Variants in HPSE2 observed in about 807,000 individuals in gnomAD.
HPSE2 encodes heparanase 2 (inactive).
Under a neutral mutation model 60.5 loss-of-function variants are expected in HPSE2, and 38 were observed. That is an observed-to-expected ratio of 0.63 (90% CI 0.48 to 0.82). The LOEUF is 0.82. HPSE2 is among the 40% of genes least tolerant of loss of function. HPSE2 has a pLI of 0.00. For missense variants in HPSE2, 713 were observed against 740.4 expected (o/e 0.96, Z 0.43); for synonymous variants, 295 against 293.2 (o/e 1.01, Z -0.06).
chr10:98,513,248 G>C (rs1048418330), intron 9 of HPSE2, among the ~76,000 whole-genome samples: 1 of 152,050 alleles, frequency 6.6e-6, no homozygotes, highest in Non-Finnish European at 1.5e-5. Flanking sequence ...CTGGACTTTA[G>C]GTAATAAACT....
chr10:98,721,846 A>G lies in HPSE2; in HGVS notation c.785-18T>C. The stretch of plus-strand genomic sequence containing the variant: ...ATTTGGCTCTAGATTAAAAGCAGAC[A>G]TGTAAGTCAGAATGAGAAGTGTAAG... On this transcript the variant is annotated intron_variant, in intron 4 of 11. Transcript: ENST00000370552. 1 of 1,611,868 alleles carries G rather than the reference A, an allele frequency of 6.2e-7. No individual in the cohort carries two copies. The highest frequency in any genetic ancestry group is 8.5e-7 in the Non-Finnish European group (1 of 1,178,378).
chr10:99,130,435 C>G (rs1303636768), intron 3 of HPSE2, among the ~76,000 whole-genome samples: 1 of 152,112 alleles, frequency 6.6e-6, no homozygotes, highest in Non-Finnish European at 1.5e-5. Flanking sequence ...ACACTATGAT[C>G]AAGTGGGTTT....
intron 6 of HPSE2, among the ~76,000 whole-genome samples, chr10:98,690,262 C>T (rs1032210759): frequency 2.6e-5 from 4 of 152,076 alleles, no homozygotes; most frequent in African/African-American, 9.7e-5. Flanking sequence ...CAGAGAAGGC[C>T]GGGTGTGGTG....
chr10:98,798,590 TTAAAG>T (rs1217368685), intron 3 of HPSE2, among the ~76,000 whole-genome samples: 1 of 152,074 alleles, frequency 6.6e-6, no homozygotes, highest in Non-Finnish European at 1.5e-5. Context: ...GGGGATGAAG[TTAAAG>T]TATAGAGTTT....
At chr10:98,971,829 C>G (rs1186087673) in intron 3 of HPSE2, among the ~76,000 whole-genome samples, 1 of 152,092 alleles carries the variant, frequency 6.6e-6, no homozygotes, top group Non-Finnish European at 1.5e-5. Flanking sequence ...ATTTCAAATT[C>G]AAAGAGTGAG....
rs186604973 is a variant in HPSE2 at position 99,014,588 on chromosome 10, C to T, written c.610+129650G>A. On this transcript the variant is annotated intron_variant, in intron 3 of 11. Coordinates refer to ENST00000370552, the MANE Select transcript of HPSE2 (RefSeq NM_021828.5). ...CCCCACAAACAGTGTATAAGTGTTC[C>T]GTTTTCTCCACAACCTCACCAGCAT... Among the ~76,000 whole-genome samples, 763 of 152,214 alleles carry T rather than the reference C, an allele frequency of 5.0e-3. 5 individuals carry two copies. The highest frequency in any genetic ancestry group is 0.017 in the African/African-American group (727 of 41,544).
At chr10:99,040,796 G>A (rs1396742125) in intron 3 of HPSE2, among the ~76,000 whole-genome samples, 1 of 152,018 alleles carries the variant, frequency 6.6e-6, no homozygotes, top group Non-Finnish European at 1.5e-5. Flanking sequence ...TCTTAAAATT[G>A]CACAGCCAAG....
intron 2 of HPSE2, among the ~76,000 whole-genome samples, chr10:99,154,673 A>C (rs1846451844): frequency 6.6e-6 from 1 of 151,514 alleles, no homozygotes; most frequent in Admixed American, 6.6e-5. Context: ...GACCATCGAA[A>C]CTAGGAAGAA....
Position 98,826,479 on chromosome 10 carries a change from TG to T in HPSE2, c.611-82424del, listed in dbSNP as rs1414700983. ...TTTGACACTATTTTCATAGAAAGGTTGGGGTATATATCTCCTGTCCTTGAAT... is the reference window on the plus strand; with the variant it reads ...TTTGACACTATTTTCATAGAAAGGTTGGGTATATATCTCCTGTCCTTGAAT... On this transcript the variant is annotated intron_variant, in intron 3 of 11. Coordinates refer to ENST00000370552, the MANE Select transcript of HPSE2 (RefSeq NM_021828.5). 4.6e-5 allele frequency among the ~76,000 whole-genome samples: 7 copies of T among 152,312 alleles called. No homozygotes were observed. In the South Asian group the frequency reaches 1.2e-3, roughly 27 times the overall value.
chr10:98,580,567 T>C (rs1944767192), intron 9 of HPSE2, among the ~76,000 whole-genome samples: 1 of 152,032 alleles, frequency 6.6e-6, no homozygotes. Flanking sequence ...ATTTTCATTG[T>C]TCCTGCTTTT....
intron 3 of HPSE2, among the ~76,000 whole-genome samples, chr10:98,860,144 A>T (rs1168723571): frequency 6.6e-6 from 1 of 152,112 alleles, no homozygotes; most frequent in Non-Finnish European, 1.5e-5. Flanking sequence ...GGACTACTAT[A>T]TATCTATATA....
intron 2 of HPSE2, among the ~76,000 whole-genome samples, chr10:99,189,097 A>G (rs900260964): frequency 2.0e-5 from 3 of 152,240 alleles, no homozygotes; most frequent in African/African-American, 7.2e-5. Flanking sequence ...CTGGAATGGT[A>G]TATTTCTAAG....
chr10:98,879,552 A>T lies in HPSE2; in HGVS notation c.611-135496T>A, dbSNP rs554890808. ...AGGCAATGGATTTCTTAGGAATTACAGGAATTTTGAAGGATTTTTTTTTCC... is the reference window on the plus strand; with the variant it reads ...AGGCAATGGATTTCTTAGGAATTACTGGAATTTTGAAGGATTTTTTTTTCC... On this transcript the variant is annotated intron_variant, in intron 3 of 11. Transcript: ENST00000370552. Among the ~76,000 whole-genome samples, 11 of 151,886 alleles carry T rather than the reference A, an allele frequency of 7.2e-5. 1 individual carries two copies. The Middle Eastern group carries it at 0.01, about 141-fold the overall frequency.
chr10:98,498,263 C>G (rs1392251827), intron 9 of HPSE2, among the ~76,000 whole-genome samples: 2 of 152,104 alleles, frequency 1.3e-5, no homozygotes, highest in Admixed American at 6.5e-5. Context: ...TGGGAGACAC[C>G]CTAAATACTG....
At chr10:99,087,923 T>C in intron 3 of HPSE2, among the ~76,000 whole-genome samples, 1 of 151,982 alleles carries the variant, frequency 6.6e-6, no homozygotes, top group East Asian at 1.9e-4. Context: ...GATCATAAGC[T>C]ATCCATCCAT....
chr10:98,534,875 A>G (rs1943234768), intron 9 of HPSE2, among the ~76,000 whole-genome samples: 1 of 152,256 alleles, frequency 6.6e-6, no homozygotes, highest in African/African-American at 2.4e-5. Context: ...CATCAATAAA[A>G]GAACTAGAGC....
At chr10:98,557,817 C>T (rs1240100146) in intron 9 of HPSE2, among the ~76,000 whole-genome samples, 3 of 152,036 alleles carry the variant, frequency 2.0e-5, no homozygotes, top group African/African-American at 7.2e-5. Flanking sequence ...GGCATGGTGG[C>T]ATGTTCCTGT....
Position 99,219,077 on chromosome 10 carries a change from C to T in HPSE2, c.448+13271G>A, listed in dbSNP as rs563125571. 2.6e-5 allele frequency among the ~76,000 whole-genome samples: 4 copies of T among 152,316 alleles called. No individual in the cohort carries two copies. The South Asian group carries it at 8.3e-4, about 32-fold the overall frequency. On this transcript the variant is annotated intron_variant, in intron 2 of 11. Coordinates refer to ENST00000370552, the MANE Select transcript of HPSE2 (RefSeq NM_021828.5). ...GAAAGCTCAAGTTATATTTCCACTC[C>T]TCTGCTTATTCACTATGGGCCTCCT...
intron 3 of HPSE2, among the ~76,000 whole-genome samples, chr10:99,122,311 G>C (rs1449838133): frequency 1.3e-5 from 2 of 151,928 alleles, no homozygotes; most frequent in Non-Finnish European, 2.9e-5. Context: ...GTGAAAAGCA[G>C]CTATCACCAC....
Sources: gnomAD v4.1 joint callset for allele counts (sites outside exome capture counted in the v4.1 genomes callset) on GRCh38, gnomAD v4.1.1 for gene constraint, MANE v1.5 for transcripts, NCBI Gene and HGNC (gene_info 2026-07-23, HGNC 2026-07-21) for gene names.